The following GALNT18 variants were observed in gnomAD, a reference collection of about 807,000 sequenced individuals.
GALNT18 encodes the protein GalNAc-transferase 18.
In GALNT18, 44 loss-of-function variants were observed where a neutral mutation model predicts 69.5. That is an observed-to-expected ratio of 0.63 (90% CI 0.50 to 0.81). GALNT18 has a LOEUF of 0.81. Among genes scored for constraint, GALNT18 ranks in the 40% least tolerant of loss-of-function variants. GALNT18 has a pLI of 0.00. For synonymous variants in GALNT18, 364 were observed against 318.2 expected (o/e 1.14, Z -1.53); for missense variants, 715 against 810.0 (o/e 0.88, Z 1.42).
In GALNT18 at chr11:11,377,399, C is replaced by A. The variant is rs371136804; in HGVS notation, c.780-20G>T. 1.9e-6 allele frequency: 3 copies of A among 1,610,664 alleles called. No individual in the cohort carries two copies. The highest frequency in any genetic ancestry group is 2.7e-5 in the African/African-American group (2 of 74,846). On this transcript the variant is annotated intron_variant, in intron 4 of 10. Transcript: ENST00000227756. The surrounding 1 kb of genome is among the most constrained non-coding windows in gnomAD (Gnocchi z 4.6). ...TCAGCCCTGGGCAGAGAGGAGACAG[C>A]CAGAGAGGGTAACCATTTCCAAGGT... is the stretch of plus-strand genomic sequence containing the variant.
intron 2 of GALNT18, among the ~76,000 whole-genome samples, chr11:11,440,542 G>C (rs542418166): frequency 2.0e-5 from 3 of 152,342 alleles, no homozygotes; most frequent in Non-Finnish European, 4.4e-5. Flanking sequence ...CTCTAGCAAA[G>C]CCTGGCTCAG....
rs1448984527 is a variant in GALNT18 at position 11,587,489 on chromosome 11, C to A, written c.235+33870G>T. ...TAATGAGCAGTGAGCATATCCAAAGCCTCGATCTAGGAGGAAGCACTCTGG... is the reference window on the plus strand; with the variant it reads ...TAATGAGCAGTGAGCATATCCAAAGACTCGATCTAGGAGGAAGCACTCTGG... On this transcript the variant is annotated intron_variant, in intron 1 of 10. Coordinates refer to ENST00000227756, the MANE Select transcript of GALNT18 (RefSeq NM_198516.3). The surrounding 1 kb of genome is among the most constrained non-coding windows in gnomAD (Gnocchi z 4.4). Among the ~76,000 whole-genome samples the A allele has an allele frequency of 2.6e-5, 4 of 152,196 alleles. No individual in the cohort carries two copies. Among genetic ancestry groups the A allele is most frequent in the Non-Finnish European group, 5.9e-5 (4 of 68,038 alleles).
intron 1 of GALNT18, among the ~76,000 whole-genome samples, chr11:11,545,233 A>G (rs1858021116): frequency 1.3e-5 from 2 of 152,262 alleles, no homozygotes; most frequent in Admixed American, 1.3e-4. Context: ...TTTTTCCAAC[A>G]TTCCATGCTG....
At chr11:11,287,300 C>G (rs781335706) in intron 10 of GALNT18, among the ~76,000 whole-genome samples, 2 of 152,212 alleles carry the variant, frequency 1.3e-5, no homozygotes, top group Non-Finnish European at 2.9e-5. Flanking sequence ...TAACAACAGC[C>G]TTCCTAAAGC....
chr11:11,362,997 C>G (rs1850678281), intron 6 of GALNT18, among the ~76,000 whole-genome samples: 1 of 152,106 alleles, frequency 6.6e-6, no homozygotes, highest in African/African-American at 2.4e-5. Flanking sequence ...AGGAATATCT[C>G]TATATACTGT....
At chr11:11,449,432 T>C (rs925789396) in intron 1 of GALNT18, among the ~76,000 whole-genome samples, 2 of 152,182 alleles carry the variant, frequency 1.3e-5, no homozygotes, top group South Asian at 2.1e-4. Context: ...CTCCAGTGAG[T>C]TGCCTGGTGC....
chr11:11,316,505 G>A (rs1386935045), intron 9 of GALNT18, among the ~76,000 whole-genome samples: 1 of 152,154 alleles, frequency 6.6e-6, no homozygotes, highest in African/African-American at 2.4e-5. Context: ...TCATCTCCAG[G>A]TTAAAATAGA....
At chr11:11,492,397 A>C (rs1430736444) in intron 1 of GALNT18, among the ~76,000 whole-genome samples, 1 of 152,234 alleles carries the variant, frequency 6.6e-6, no homozygotes, top group Non-Finnish European at 1.5e-5. Flanking sequence ...TGCTGCTAAC[A>C]CAGGGAAGAA....
intron 1 of GALNT18, among the ~76,000 whole-genome samples, chr11:11,579,557 G>T (rs866319014): frequency 6.6e-6 from 1 of 152,270 alleles, no homozygotes; most frequent in Middle Eastern, 3.4e-3. Flanking sequence ...CTGGAACCCC[G>T]CCAGGGTACC....
intron 3 of GALNT18, among the ~76,000 whole-genome samples, chr11:11,423,963 T>C (rs148156882): frequency 2.8e-3 from 432 of 152,278 alleles, no homozygotes; most frequent in African/African-American, 9.8e-3. Flanking sequence ...CAGGACTCTT[T>C]CTATCTAGGG....
chr11:11,506,689 T>C (rs1285693898), intron 1 of GALNT18, among the ~76,000 whole-genome samples: 1 of 152,186 alleles, frequency 6.6e-6, no homozygotes, highest in Non-Finnish European at 1.5e-5. Flanking sequence ...ATTAGAAAAG[T>C]GAAGGCATGT....
chr11:11,529,221 C>T (rs1475161995), intron 1 of GALNT18, among the ~76,000 whole-genome samples: 1 of 152,166 alleles, frequency 6.6e-6, no homozygotes, highest in African/African-American at 2.4e-5. Flanking sequence ...GATATTTGGC[C>T]AAACATTATT....
Position 11,542,348 on chromosome 11 carries a change from C to T in GALNT18, c.235+79011G>A, listed in dbSNP as rs912183143. Among the ~76,000 whole-genome samples, 1 of 152,190 alleles carries T rather than the reference C, an allele frequency of 6.6e-6. No homozygotes were observed. The highest frequency in any genetic ancestry group is 6.5e-5 in the Admixed American group (1 of 15,284). On this transcript the variant is annotated intron_variant, in intron 1 of 10. Coordinates refer to ENST00000227756, the MANE Select transcript of GALNT18 (RefSeq NM_198516.3). The surrounding 1 kb of genome is among the most constrained non-coding windows in gnomAD (Gnocchi z 4.3). ...AGACGCCTCCATGCTACCATAGCAACCTGGACCTCCTCTCCAGATCACTCC... is the reference window on the plus strand; with the variant it reads ...AGACGCCTCCATGCTACCATAGCAATCTGGACCTCCTCTCCAGATCACTCC...
chr11:11,608,924 T>G (rs937411830), intron 1 of GALNT18, among the ~76,000 whole-genome samples: 3 of 152,246 alleles, frequency 2.0e-5, no homozygotes. Context: ...TTAGTCCCTA[T>G]TCCTCCATGA....
chr11:11,612,819 CT>C (rs1859944186), intron 1 of GALNT18, among the ~76,000 whole-genome samples: 1 of 152,248 alleles, frequency 6.6e-6, no homozygotes, highest in Non-Finnish European at 1.5e-5. Context: ...TTGTTCTCAC[CT>C]GTCCCAAGGT....
intron 6 of GALNT18, among the ~76,000 whole-genome samples, chr11:11,367,002 T>C (rs978609760): frequency 1.3e-5 from 2 of 152,210 alleles, no homozygotes; most frequent in African/African-American, 4.8e-5. Context: ...TTTAATAAGC[T>C]ATTCTCTAAG....
rs574570985 is a variant in GALNT18, at chr11:11,582,770, A to G, written c.235+38589T>C. 6.6e-6 allele frequency among the ~76,000 whole-genome samples: 1 copy of G among 152,316 alleles called. No homozygotes were observed. The highest frequency in any genetic ancestry group is 1.9e-4 in the East Asian group (1 of 5,190). ...GGTGATGCAACTTATTCTTCCTACA[A>G]TTAATAATCATTACAGGGCTTTAGG... On this transcript the variant is annotated intron_variant, in intron 1 of 10. Coordinates refer to ENST00000227756, the MANE Select transcript of GALNT18 (RefSeq NM_198516.3). This position sits in a 1 kb window ranked among gnomAD's most constrained non-coding sequence, Gnocchi z 5.0.
At chr11:11,550,500 C>T (rs1222251513) in intron 1 of GALNT18, among the ~76,000 whole-genome samples, 2 of 152,210 alleles carry the variant, frequency 1.3e-5, no homozygotes, top group African/African-American at 4.8e-5. Context: ...CTTCTGAAAG[C>T]CTTTCTTTTC....
At chr11:11,552,220 G>A (rs1858214045) in intron 1 of GALNT18, among the ~76,000 whole-genome samples, 1 of 152,218 alleles carries the variant, frequency 6.6e-6, no homozygotes, top group South Asian at 2.1e-4. Flanking sequence ...CAGGCAATGA[G>A]CCATGCATGT....
Sources: gnomAD v4.1 joint callset for allele counts (sites outside exome capture counted in the v4.1 genomes callset) on GRCh38, gnomAD v4.1.1 for gene constraint, Gnocchi (gnomAD v3.1) non-coding constraint, MANE v1.5 for transcripts, NCBI Gene and HGNC (gene_info 2026-07-23, HGNC 2026-07-21) for gene names.